HPGD: variants seen among roughly 807,000 people sequenced by gnomAD.
HPGD encodes 15-hydroxyprostaglandin dehydrogenase, also known as 15-hydroxyprostaglandin dehydrogenase [NAD(+)].
Under a neutral mutation model 30.0 loss-of-function variants are expected in HPGD, and 29 were observed. That is an observed-to-expected ratio of 0.97 (90% CI 0.72 to 1.32). The LOEUF (loss-of-function observed/expected upper bound fraction) is 1.32, where lower values mean the gene tolerates loss of function less well. Among genes scored for constraint, HPGD ranks in the 40% most tolerant of loss-of-function variants. The pLI is 0.00. For missense variants in HPGD, 340 were observed against 322.1 expected (o/e 1.06, Z -0.43); for synonymous variants, 99 against 112.4 (o/e 0.88, Z 0.75).
chr4:174,520,053 A>T (rs1034702592), intron 2 of HPGD, among the ~76,000 whole-genome samples: 2 of 151,766 alleles, frequency 1.3e-5, no homozygotes, highest in African/African-American at 4.8e-5. Context: ...TTCTCCTTCC[A>T]TTCTGAGTAT....
chr4:174,502,905 T>A (rs1360521609), intron 4 of HPGD, among the ~76,000 whole-genome samples: 5 of 152,062 alleles, frequency 3.3e-5, no homozygotes. Context: ...CTTCTTAAAG[T>A]GTGGTTCAAG....
intron 4 of HPGD, chr4:174,508,213 G>A: frequency 1.6e-6 from 1 of 614,254 alleles, no homozygotes; most frequent in Non-Finnish European, 3.0e-6. Flanking sequence ...TCAGACTGAT[G>A]TACGAGTTAA....
At chr4:174,517,903 C>G in intron 3 of HPGD, 68 bp downstream of exon 3, 1 of 864,610 alleles carries the variant, frequency 1.2e-6, no homozygotes, top group African/African-American at 1.7e-5. Context: ...CTCCAAGAAC[C>G]TTTTTTTCTT....
At chr4:174,522,109 C>G (rs1182657527) in intron 1 of HPGD, 42 bp from the exon 2 acceptor site, 1 of 1,613,802 alleles carries the variant, frequency 6.2e-7, no homozygotes. Context: ...GCGCAGCTCA[C>G]GAAATAGACG....
intron 3 of HPGD, among the ~76,000 whole-genome samples, chr4:174,511,620 C>G (rs1160813116): frequency 6.6e-6 from 1 of 152,098 alleles, no homozygotes; most frequent in Non-Finnish European, 1.5e-5. Flanking sequence ...TGCAAAGACT[C>G]ATTCTTTCCT....
At chr4:174,498,076 G>A (rs1431423536) in intron 4 of HPGD, among the ~76,000 whole-genome samples, 1 of 152,026 alleles carries the variant, frequency 6.6e-6, no homozygotes, top group Non-Finnish European at 1.5e-5. Context: ...AGCCTCCTGA[G>A]TAGCTGGGAC....
chr4:174,521,015 T>A (rs893947504), intron 2 of HPGD, among the ~76,000 whole-genome samples: 7 of 152,230 alleles, frequency 4.6e-5, no homozygotes, highest in African/African-American at 1.7e-4. Flanking sequence ...TTAAAATAAA[T>A]GTACATTTGA....
chr4:174,493,293 T>C lies in HPGD; in HGVS notation c.520A>G (p.Ser174Gly), dbSNP rs200207595. The C allele has an allele frequency of 1.2e-6, 2 of 1,613,110 alleles. No homozygotes were observed. Among genetic ancestry groups the C allele is most frequent in the Admixed American group, 1.7e-5 (1 of 59,954 alleles). ...SAALAANLMN[S>G]GVRLNAICPG... Reference sequence around the variant, plus strand: ...CAAATGGCATTCAGTCTCACACCACTGTTCATAAGATTAGCAGCCAACTGC... The same window carrying C: ...CAAATGGCATTCAGTCTCACACCACCGTTCATAAGATTAGCAGCCAACTGC... The change falls in exon 6 of 7, where the codon AGT becomes GGT. Residue 174 changes from serine to glycine, a missense_variant. Physicochemically the swap from Ser to Gly is moderately conservative, Grantham distance 56. Coordinates refer to ENST00000296522, the MANE Select transcript of HPGD (RefSeq NM_000860.6).
chr4:174,522,798 T>C (rs1243646320), upstream of HPGD: 2 of 214,294 alleles, frequency 9.3e-6, no homozygotes, highest in Non-Finnish European at 1.8e-5. Context: ...AAAGACCAAC[T>C]GGATAGAAGG....
rs1734402037 is a variant in HPGD, at chr4:174,492,778, G to A, written c.662+373C>T. On this transcript the variant is annotated intron_variant, in intron 6 of 6. Coordinates refer to ENST00000296522, the MANE Select transcript of HPGD (RefSeq NM_000860.6). This position sits in a 1 kb window ranked among gnomAD's most constrained non-coding sequence, Gnocchi z 4.9. The stretch of plus-strand genomic sequence containing the variant: ...AAAGTATGTGTCCATGTATGTGTGT[G>A]TATCAACTATTTCTTATAAAAGTGG... 1.3e-5 allele frequency among the ~76,000 whole-genome samples: 2 copies of A among 151,994 alleles called. No homozygotes were observed. Among genetic ancestry groups the A allele is most frequent in the Non-Finnish European group, 2.9e-5 (2 of 67,946 alleles).
chr4:174,495,538 G>T lies in HPGD; in HGVS notation c.498+10C>A. 1 of 1,597,116 alleles carries T rather than the reference G, an allele frequency of 6.3e-7. No homozygotes were observed. The highest frequency in any genetic ancestry group is 8.6e-7 in the Non-Finnish European group (1 of 1,164,634). ...GAGAAAATGAGATATGACGGTTGTT[G>T]TAGCCTCACCGCTGCTGAGCGTGTG... is the stretch of plus-strand genomic sequence containing the variant. On this transcript the variant is annotated intron_variant, in intron 5 of 6. Transcript: ENST00000296522.
intron 4 of HPGD, among the ~76,000 whole-genome samples, chr4:174,504,825 A>G (rs1735105293): frequency 8.3e-6 from 1 of 120,102 alleles, no homozygotes; most frequent in East Asian, 2.5e-4. Context: ...AAACAAACAA[A>G]CAAACAAACA....
intron 3 of HPGD, among the ~76,000 whole-genome samples, chr4:174,512,156 C>T (rs1436162467): frequency 1.3e-5 from 2 of 152,126 alleles, no homozygotes; most frequent in African/African-American, 4.8e-5. Context: ...TTTGGAAGAA[C>T]TAATGTATTT....
In HPGD at chr4:174,513,286, C is replaced by T. The variant is rs531418845; in HGVS notation, c.325-4494G>A. Among the ~76,000 whole-genome samples, 5 of 152,230 alleles carry T rather than the reference C, an allele frequency of 3.3e-5. No homozygotes were observed. In the South Asian group the frequency reaches 1.0e-3, roughly 32 times the overall value. ...GGATAGCCTGGTTCAAAGAAAATCT[C>T]GTCATTTAATGTGGTTTTGGAAAGT... On this transcript the variant is annotated intron_variant, in intron 3 of 6. Transcript: ENST00000296522.
Position 174,492,173 on chromosome 4 carries a change from A to T in HPGD, c.663-79T>A. The T allele has an allele frequency of 1.5e-6, 2 of 1,349,154 alleles. No homozygotes were observed. The highest frequency in any genetic ancestry group is 1.1e-6 in the Non-Finnish European group (1 of 948,936). The allele number at this position is 1,349,154 out of a possible 1,614,324, so 83.6% of individuals were successfully genotyped here. A position where few individuals can be genotyped will look rare whatever the true frequency, so the allele number is the denominator to read the frequency against. ...TTCATTTTAAGTTATTTTCTGAAGA[A>T]TCTATTAAGTTGAACATGTTATAGG... On this transcript the variant is annotated intron_variant, in intron 6 of 6. Coordinates refer to ENST00000296522, the MANE Select transcript of HPGD (RefSeq NM_000860.6). The surrounding 1 kb of genome is among the most constrained non-coding windows in gnomAD (Gnocchi z 4.9).
At chr4:174,495,472 A>G in intron 5 of HPGD, 76 bp downstream of exon 5, 1 of 1,104,510 alleles carries the variant, frequency 9.1e-7, no homozygotes, top group East Asian at 2.4e-5. Context: ...TTCTCAAGTG[A>G]TTCCTCTCTA....
At chr4:174,493,505 A>C (rs13127058) in intron 5 of HPGD, 191 bp from the exon 6 acceptor site, 26 of 548,802 alleles carry the variant, frequency 4.7e-5, no homozygotes, top group Admixed American at 2.9e-4. Flanking sequence ...ATTCCTGAAA[A>C]TCTCACCTAA....
chr4:174,508,388 T>TCA (rs551765095), intron 4 of HPGD, among the ~76,000 whole-genome samples: 157 of 152,320 alleles, frequency 1.0e-3, no homozygotes, highest in African/African-American at 3.6e-3. Context: ...AAAGGTGCTT[T>TCA]CACATGCATT....
In HPGD at chr4:174,492,239, T is replaced by C. The variant is rs1211570707; in HGVS notation, c.663-145A>G. 2 of 691,234 alleles carry C rather than the reference T, an allele frequency of 2.9e-6. No homozygotes were observed. The highest frequency in any genetic ancestry group is 2.5e-6 in the Non-Finnish European group (1 of 397,062). The allele number at this position is 691,234 out of a possible 1,614,324, so 42.8% of individuals were successfully genotyped here. A position where few individuals can be genotyped will look rare whatever the true frequency, so the allele number is the denominator to read the frequency against. ...AAACTATTGCTACTTCCAATTTTTA[T>C]TTAATTCCATATTAGATATCTAGAT... On this transcript the variant is annotated intron_variant, in intron 6 of 6. Coordinates refer to ENST00000296522, the MANE Select transcript of HPGD (RefSeq NM_000860.6). The surrounding 1 kb of genome is among the most constrained non-coding windows in gnomAD (Gnocchi z 4.9).
Sources: gnomAD v4.1 joint callset for allele counts (sites outside exome capture counted in the v4.1 genomes callset) on GRCh38, gnomAD v4.1.1 for gene constraint, Gnocchi (gnomAD v3.1) non-coding constraint, MANE v1.5 for transcripts, NCBI Gene and HGNC (gene_info 2026-07-23, HGNC 2026-07-21) for gene names.